The following FLG variants were observed in gnomAD, a reference collection of about 807,000 sequenced individuals.
The protein encoded by FLG is filaggrin, also known as epidermal filaggrin.
In FLG, 6 loss-of-function variants were observed where a neutral mutation model predicts 3.8. The ratio of observed to expected loss-of-function variants is 1.60; its 90% CI spans 0.87 to 3.15. The LOEUF is 3.15. Ranked by LOEUF, FLG falls within the 30% of genes most tolerant of loss-of-function variation. The probability of loss-of-function intolerance (pLI) is 0.00; values close to 1 mark genes in which losing one functional copy is unlikely to be tolerated. For synonymous variants in FLG, 2,551 were observed against 1,931.6 expected (o/e 1.32, Z -8.41); for missense variants, 7,595 against 5,050.9 (o/e 1.50, Z -15.27).
Position 152,304,386 on chromosome 1 carries a change from C to A in FLG, c.10500G>T (p.Arg3500Ser). The change falls in exon 3 of 3, where the codon AGG becomes AGT. Residue 3500 changes from arginine to serine, a missense_variant. By Grantham distance (110) the Arg-to-Ser change is moderately radical. Transcript: ENST00000368799. ...RNDEQSGDGS[R>S]HSWSHHHEAS... Reference sequence around the variant, plus strand: ...CTTCATGGTGATGCGACCATGAGTGCCTGGAGCCATCTCCTGATTGTTCGT... The same window carrying A: ...CTTCATGGTGATGCGACCATGAGTGACTGGAGCCATCTCCTGATTGTTCGT... The A allele has an allele frequency of 6.2e-7, 1 of 1,611,684 alleles. No individual in the cohort carries two copies. Among genetic ancestry groups the A allele is most frequent in the Non-Finnish European group, 8.5e-7 (1 of 1,179,054 alleles).
chr1:152,313,167 A>G lies in FLG; in HGVS notation c.1719T>C (p.Asn573=). The G allele has an allele frequency of 5.6e-6, 9 of 1,613,208 alleles. No homozygotes were observed. The highest frequency in any genetic ancestry group is 1.1e-5 in the South Asian group (1 of 91,014). ...TGGTGCCGTCTCCTGATTGTTCCTCATTTCGTGTTTGTCTGCTTGCACTTC... is the reference window on the plus strand; with the variant it reads ...TGGTGCCGTCTCCTGATTGTTCCTCGTTTCGTGTTTGTCTGCTTGCACTTC... ...GSRSASRQTR[N]EEQSGDGTRH... Residue 573 remains asparagine, a synonymous_variant, in exon 3 of 3, where the codon AAT becomes AAC. Coordinates refer to ENST00000368799, the MANE Select transcript of FLG (RefSeq NM_002016.2).
In FLG at chr1:152,307,402, G is replaced by A. The variant is rs775080390; in HGVS notation, c.7484C>T (p.Thr2495Ile). Residue 2495 changes from threonine to isoleucine, a missense_variant, in exon 3 of 3, where the codon ACC (threonine) becomes ATC (isoleucine). Transcript: ENST00000368799. ...SGHSGSHHSH[T>I]TSQGRSDASH... ...GGCATCAGACCTTCCCTGGGATGTGGTGTGGCTGTGATGAGACCCTGAGTG... is the reference window on the plus strand; with the variant it reads ...GGCATCAGACCTTCCCTGGGATGTGATGTGGCTGTGATGAGACCCTGAGTG... 8.1e-6 allele frequency: 13 copies of A among 1,613,148 alleles called. No individual in the cohort carries two copies. Among genetic ancestry groups the A allele is most frequent in the South Asian group, 2.2e-5 (2 of 91,022 alleles).
intron 1 of FLG, among the ~76,000 whole-genome samples, chr1:152,320,243 G>A (rs1570920383): frequency 6.6e-6 from 1 of 151,074 alleles, no homozygotes; most frequent in East Asian, 1.9e-4. Context: ...TAGAAACCAA[G>A]TAGTAATATT....
Position 152,305,536 on chromosome 1 carries a change from C to T in FLG, c.9350G>A (p.Ser3117Asn). ...GTGGTACCCCTGCCTTCCTCCTCTGCTTGACCCCGGGTGTCCACGAATGGT... is the reference window on the plus strand; with the variant it reads ...GTGGTACCCCTGCCTTCCTCCTCTGTTTGACCCCGGGTGTCCACGAATGGT... ...QDTIRGHPGS[S>N]RGGRQGYHHE... The change falls in exon 3 of 3, where the codon AGC becomes AAC. Residue 3117 changes from serine to asparagine, a missense_variant. Coordinates refer to ENST00000368799, the MANE Select transcript of FLG (RefSeq NM_002016.2). 1 of 1,539,962 alleles carries T rather than the reference C, an allele frequency of 6.5e-7. No individual in the cohort carries two copies. The highest frequency in any genetic ancestry group is 2.5e-5 in the East Asian group (1 of 40,674).
Position 152,303,086 on chromosome 1 carries a change from G to T in FLG, c.11800C>A (p.Leu3934Ile), listed in dbSNP as rs1417453679. The T allele has an allele frequency of 1.2e-6, 2 of 1,614,052 alleles. No homozygotes were observed. Among genetic ancestry groups the T allele is most frequent in the Non-Finnish European group, 1.7e-6 (2 of 1,180,038 alleles). The change falls in exon 3 of 3, where the codon CTT becomes ATT. Residue 3934 changes from leucine (L) to isoleucine (I), a missense_variant. By Grantham distance (5) the Leu-to-Ile change is conservative (BLOSUM62 2). Transcript: ENST00000368799. ...GAGTGATACGCAGAATCTTGTGAAA[G>T]ACTACTAAAGTGACCATGTTCCTTA... ...TAKEHGHFSSLSQDSAYHSGI... is the reference protein window; with the variant it reads ...TAKEHGHFSSISQDSAYHSGI...
rs377284014 is a variant in FLG at position 152,307,718 on chromosome 1, C to G, written c.7168G>C (p.Gly2390Arg). Residue 2390 changes from glycine to arginine, a missense_variant, in exon 3 of 3, where the codon GGG becomes CGG. By Grantham distance (125) the Gly-to-Arg change is moderately radical. Coordinates refer to ENST00000368799, the MANE Select transcript of FLG (RefSeq NM_002016.2). Reference protein sequence around the residue: ...TQSVSAHGQAGPHQQSHQEST... With the variant: ...TQSVSAHGQARPHQQSHQEST... ...TCTTGGTGGCTCTGCTGATGGGGCC[C>G]AGCCTGTCCGTGGGCTGACACTGAC... 2 of 1,613,152 alleles carry G rather than the reference C, an allele frequency of 1.2e-6. No individual in the cohort carries two copies. The highest frequency in any genetic ancestry group is 8.5e-7 in the Non-Finnish European group (1 of 1,179,862).
At position 152,314,109 on chromosome 1, in the gene FLG, T is replaced by A. The variant is rs757405173; in HGVS notation, c.777A>T (p.Arg259Ser). 1 of 1,614,180 alleles carries A rather than the reference T, an allele frequency of 6.2e-7. No individual in the cohort carries two copies. The highest frequency in any genetic ancestry group is 2.2e-5 in the East Asian group (1 of 44,880). ...SLLEENKIYE[R>S]SRSSDGKSSS... ...ATGATTTGCCATCAGATGACCTTGA[T>A]CTTTCATATATTTTGTTTTCTTCTA... The change falls in exon 3 of 3, where the codon AGA becomes AGT. Residue 259 changes from arginine to serine, a missense_variant. Coordinates refer to ENST00000368799, the MANE Select transcript of FLG (RefSeq NM_002016.2).
chr1:152,310,330 T>C lies in FLG; in HGVS notation c.4556A>G (p.His1519Arg), dbSNP rs755568153. 6.2e-7 allele frequency: 1 copy of C among 1,613,772 alleles called. No individual in the cohort carries two copies. Among genetic ancestry groups the C allele is most frequent in the Non-Finnish European group, 8.5e-7 (1 of 1,179,994 alleles). Residue 1519 changes from histidine (H) to arginine (R), a missense_variant, in exon 3 of 3, where the codon CAC (histidine) becomes CGC (arginine). By Grantham distance (29) the His-to-Arg change is conservative. Coordinates refer to ENST00000368799, the MANE Select transcript of FLG (RefSeq NM_002016.2). The part of the protein sequence containing the change: ...VDRSGHSGYH[H>R]SHTTPQGRSD... ...CCTTCCCTGGGGTGTGGTGTGGCTG[T>C]GATGGTACCCTGAGTGTCCAGACCT... is the stretch of plus-strand genomic sequence containing the variant.
intron 1 of FLG, among the ~76,000 whole-genome samples, chr1:152,324,192 A>C (rs2101660041): frequency 6.6e-6 from 1 of 151,908 alleles, no homozygotes; most frequent in East Asian, 1.9e-4. Context: ...TTGCCTTCCT[A>C]TATTCCTGTT....
At position 152,304,809 on chromosome 1, in the gene FLG, T is replaced by A. The variant is rs780998447; in HGVS notation, c.10077A>T (p.Gly3359=). 5.0e-6 allele frequency: 8 copies of A among 1,613,862 alleles called. No homozygotes were observed. In the Admixed American group the frequency reaches 1.3e-4, roughly 27 times the overall value. Residue 3359 remains glycine (G), a synonymous_variant, in exon 3 of 3, where the codon GGA becomes GGT. Transcript: ENST00000368799. ...GGCTCTGCTGATGGGGCCCAGCCTG[T>A]CCATGGCCTGACACTGACTGTGTGT... ...ESDTQSVSGH[G]QAGPHQQSHQ...
chr1:152,305,421 C>G lies in FLG; in HGVS notation c.9465G>C (p.Gln3155His), dbSNP rs1366581143. The G allele has an allele frequency of 4.4e-6, 7 of 1,602,036 alleles. No individual in the cohort carries two copies. Among genetic ancestry groups the G allele is most frequent in the African/African-American group, 2.8e-5 (2 of 70,654 alleles). The part of the protein sequence containing the change: ...SQGRSDASRG[Q>H]SGSRSASRTT... The stretch of plus-strand genomic sequence containing the variant: ...TTCTGCTTGCACTTCTGGATCCTGA[C>G]TGCCCACGGGAGGCATCAGACCTTC... The change falls in exon 3 of 3, where the codon CAG (glutamine) becomes CAC (histidine). Residue 3155 changes from glutamine to histidine, a missense_variant. Transcript: ENST00000368799.
In FLG at chr1:152,309,641, C is replaced by G. The variant is rs545235117; in HGVS notation, c.5245G>C (p.Glu1749Gln). 49 of 1,613,782 alleles carry G rather than the reference C, an allele frequency of 3.0e-5. No homozygotes were observed. The highest frequency in any genetic ancestry group is 4.0e-5 in the African/African-American group (3 of 74,948). Residue 1749 changes from glutamate to glutamine, a missense_variant, in exon 3 of 3, where the codon GAG (glutamate) becomes CAG (glutamine). Transcript: ENST00000368799. ...QAGPHQQSHQESTRGQSGERS... is the reference protein window; with the variant it reads ...QAGPHQQSHQQSTRGQSGERS... Reference sequence around the variant, plus strand: ...TCCCCTGACTGGCCACGTGTGGACTCTTGGTGGCTCTGCTGATGGGGCCCA... The same window carrying G: ...TCCCCTGACTGGCCACGTGTGGACTGTTGGTGGCTCTGCTGATGGGGCCCA...
In FLG at chr1:152,309,260, C is replaced by T. The variant is rs752281619; in HGVS notation, c.5626G>A (p.Asp1876Asn). 5 of 1,613,692 alleles carry T rather than the reference C, an allele frequency of 3.1e-6. No homozygotes were observed. Among genetic ancestry groups the T allele is most frequent in the Admixed American group, 1.7e-5 (1 of 59,964 alleles). Residue 1876 changes from aspartate (D) to asparagine (N), a missense_variant, in exon 3 of 3, where the codon GAC (aspartate) becomes AAC (asparagine). By Grantham distance (23) the Asp-to-Asn change is conservative (BLOSUM62 1). Coordinates refer to ENST00000368799, the MANE Select transcript of FLG (RefSeq NM_002016.2). ...RQTRNEKQSG[D>N]GSRHSGSRHH... ...CGCGACCCTGAGTGCCTGGAGCCGT[C>T]TCCTGATTGTTTCTCATTACGTGTT...
intron 1 of FLG, among the ~76,000 whole-genome samples, chr1:152,319,216 G>C (rs1490054467): frequency 2.7e-5 from 4 of 150,856 alleles, no homozygotes; most frequent in Admixed American, 2.0e-4. Flanking sequence ...GATATTTTTT[G>C]GTAAGAGAGT....
rs1251438489 is a variant in FLG at position 152,313,258 on chromosome 1, C to T, written c.1628G>A (p.Gly543Asp). The change falls in exon 3 of 3, where the codon GGT becomes GAT. Residue 543 changes from glycine to aspartate, a missense_variant. Coordinates refer to ENST00000368799, the MANE Select transcript of FLG (RefSeq NM_002016.2). The part of the protein sequence containing the change: ...EQSVNRSGHS[G>D]SHHSHTTSQG... Reference sequence around the variant, plus strand: ...GGATGTGGTGTGGCTGTGATGGGAACCTGAGTGTCCAGACCTATTTACCGA... The same window carrying T: ...GGATGTGGTGTGGCTGTGATGGGAATCTGAGTGTCCAGACCTATTTACCGA... 40 of 1,613,778 alleles carry T rather than the reference C, an allele frequency of 2.5e-5. No homozygotes were observed. Among genetic ancestry groups the T allele is most frequent in the Non-Finnish European group, 3.2e-5 (38 of 1,180,010 alleles).
In FLG at chr1:152,311,968, G is replaced by C. The variant is rs769376321; in HGVS notation, c.2918C>G (p.Ser973Cys). 1 of 1,614,092 alleles carries C rather than the reference G, an allele frequency of 6.2e-7. No individual in the cohort carries two copies. The highest frequency in any genetic ancestry group is 1.1e-5 in the South Asian group (1 of 91,062). The change falls in exon 3 of 3, where the codon TCT (serine) becomes TGT (cysteine). Residue 973 changes from serine (S) to cysteine (C), a missense_variant. Ser to Cys is a moderately radical substitution (Grantham distance 112, BLOSUM62 -1). Transcript: ENST00000368799. Reference protein sequence around the residue: ...SGSASRNHRGSAQEQSRHGSR... With the variant: ...SGSASRNHRGCAQEQSRHGSR... ...GCCATGTCTTGACTGCTCCTGAGCAGATCCACGATGGTTTCTGGAAGCAGA... is the reference window on the plus strand; with the variant it reads ...GCCATGTCTTGACTGCTCCTGAGCACATCCACGATGGTTTCTGGAAGCAGA...
Position 152,309,366 on chromosome 1 carries a change from C to T in FLG, c.5520G>A (p.Gly1840=), listed in dbSNP as rs1652226189. Residue 1840 remains glycine, a synonymous_variant, in exon 3 of 3, where the codon GGG becomes GGA. Transcript: ENST00000368799. ...EQSVDSSGHS[G]SHHSHTTSQE... is the part of the protein sequence containing the mutation. ...GGGACGTGGTGTGGCTGTGATGAGA[C>T]CCTGAGTGTCCAGAACTATCTACCG... 2 of 1,613,668 alleles carry T rather than the reference C, an allele frequency of 1.2e-6. No homozygotes were observed. The highest frequency in any genetic ancestry group is 1.1e-5 in the South Asian group (1 of 91,054).
At position 152,313,567 on chromosome 1, in the gene FLG, TG is replaced by T. The variant is rs1652612181; in HGVS notation, c.1318del (p.His440ThrfsTer6). On this transcript the variant is annotated frameshift_variant, in exon 3 of 3. Transcript: ENST00000368799. LOFTEE classifies it low-confidence loss of function (END_TRUNC). ...CTGCTGTCTCAGCCCAGCCTTTCCG[TG>T]GCCTGACACTGATTGTGTGTCTGAG... ...ENSDTQSVSG[H>X]GKAGLRQQSH... 6.2e-7 allele frequency: 1 copy of T among 1,614,048 alleles called. No homozygotes were observed. The highest frequency in any genetic ancestry group is 8.5e-7 in the Non-Finnish European group (1 of 1,180,008).
Position 152,312,732 on chromosome 1 carries a change from G to T in FLG, c.2154C>A (p.Asp718Glu). The T allele has an allele frequency of 6.2e-7, 1 of 1,614,050 alleles. No individual in the cohort carries two copies. Among genetic ancestry groups the T allele is most frequent in the Non-Finnish European group, 8.5e-7 (1 of 1,180,030 alleles). The change falls in exon 3 of 3, where the codon GAC becomes GAA. Residue 718 changes from aspartate (D) to glutamate (E), a missense_variant. Transcript: ENST00000368799. Reference sequence around the variant, plus strand: ...GCCCAGTGCCTGAGTGTCTGGAGCTGTCTGCTGACTGGAGCTGGTGGCGGG... The same window carrying T: ...GCCCAGTGCCTGAGTGTCTGGAGCTTTCTGCTGACTGGAGCTGGTGGCGGG... Reference protein sequence around the residue: ...HGSRHQLQSADSSRHSGTGHG... With the variant: ...HGSRHQLQSAESSRHSGTGHG...
Sources: allele counts gnomAD v4.1 joint callset (sites outside exome capture counted in the v4.1 genomes callset), GRCh38; gene constraint gnomAD v4.1.1; transcripts MANE v1.5; gene names NCBI Gene and HGNC (gene_info 2026-07-23, HGNC 2026-07-21).